ZC3H7B: variants seen among roughly 807,000 people sequenced by gnomAD.
ZC3H7B encodes the protein zinc finger CCCH-type containing 7B, also known as zinc finger CCCH domain-containing protein 7B.
ZC3H7B carries 35 observed loss-of-function variants against 116.0 expected under a neutral mutation model. The observed-to-expected ratio is 0.30, with a 90% confidence interval of 0.23 to 0.40. ZC3H7B has a LOEUF of 0.40. Ranked by LOEUF, ZC3H7B falls within the 10% of genes least tolerant of loss-of-function variation. The pLI is 1.00. For synonymous variants in ZC3H7B, 502 were observed against 545.6 expected (o/e 0.92, Z 1.11); for missense variants, 1,011 against 1,321.5 (o/e 0.77, Z 3.64).
At chr22:41,355,044 G>A (rs1241161542) in intron 17 of ZC3H7B, among the ~76,000 whole-genome samples, 3 of 152,226 alleles carry the variant, frequency 2.0e-5, no homozygotes, top group Non-Finnish European at 4.4e-5. Flanking sequence ...GACAGCTGCA[G>A]CTTAGGAGAG....
At chr22:41,354,667 A>G (rs2036690634) in intron 17 of ZC3H7B, among the ~76,000 whole-genome samples, 1 of 152,168 alleles carries the variant, frequency 6.6e-6, no homozygotes, top group Non-Finnish European at 1.5e-5. Context: ...CAGGCTGGCC[A>G]ATGTAGCCAG....
At position 41,342,804 on chromosome 22, in the gene ZC3H7B, G is replaced by GCACC. The variant is rs375774742; in HGVS notation, c.1297+177_1297+180dup. Among the ~76,000 whole-genome samples the GCACC allele has an allele frequency of 1.7e-3, 254 of 152,308 alleles. 1 individual carries two copies. Among genetic ancestry groups the GCACC allele is most frequent in the African/African-American group, 5.7e-3 (235 of 41,568 alleles). Reference sequence around the variant, plus strand: ...GGAGTTTGGGGTCTGTCCCTGCCAGGCACCACCTTCACAGTCCTTTCTAGA... The same window carrying GCACC: ...GGAGTTTGGGGTCTGTCCCTGCCAGGCACCCACCACCTTCACAGTCCTTTCTAGA... On this transcript the variant is annotated intron_variant, in intron 12 of 22. Transcript: ENST00000352645.
chr22:41,311,848 G>A (rs112609623), intron 1 of ZC3H7B, among the ~76,000 whole-genome samples: 3,806 of 152,056 alleles, frequency 0.025, 143 homozygotes, highest in African/African-American at 0.086. Context: ...AATCTGCTTC[G>A]TTTTTTGTTC....
intron 14 of ZC3H7B, among the ~76,000 whole-genome samples, chr22:41,347,425 C>T (rs2036601071): frequency 1.3e-5 from 2 of 151,912 alleles, no homozygotes; most frequent in South Asian, 4.1e-4. Flanking sequence ...CTTGGAACCT[C>T]TCAGCTGGAC....
Position 41,348,088 on chromosome 22 carries a change from C to T in ZC3H7B, c.1687C>T (p.Arg563Trp), listed in dbSNP as rs1358554014. 2 of 1,613,836 alleles carry T rather than the reference C, an allele frequency of 1.2e-6. No homozygotes were observed. Among genetic ancestry groups the T allele is most frequent in the East Asian group, 2.2e-5 (1 of 44,884 alleles). Residue 563 changes from arginine (R) to tryptophan (W), a missense_variant, in exon 15 of 23, where the codon CGG becomes TGG. Physicochemically the swap from Arg to Trp is moderately radical, Grantham distance 101. This residue lies in a region of ZC3H7B where 406 missense variants were observed against 590.2 expected (regional missense o/e 0.69). Transcript: ENST00000352645. Reference sequence around the variant, plus strand: ...GCAGATCTGCTTTGACAGTAAACCCCGGATCATCAGCAAAGGCACCAAGGA... The same window carrying T: ...GCAGATCTGCTTTGACAGTAAACCCTGGATCATCAGCAAAGGCACCAAGGA... ...LCEICFDSKP[R>W]IISKGTKDSP...
chr22:41,357,356 A>G lies in ZC3H7B; in HGVS notation c.2861A>G (p.Gln954Arg), dbSNP rs756919973. The change falls in exon 23 of 23, where the codon CAA (glutamine) becomes CGA (arginine). Residue 954 changes from glutamine to arginine, a missense_variant. Gln to Arg is a conservative substitution (Grantham distance 43). Around this residue, in one of 5 missense-constraint regions of ZC3H7B, gnomAD observed 406 missense variants for 590.2 expected, o/e 0.69. Transcript: ENST00000352645. This position sits in a 1 kb window ranked among gnomAD's most constrained non-coding sequence, Gnocchi z 5.4. ...DDFGKYNFLL[Q>R]EDGDLAGATP... is the part of the protein sequence containing the mutation. ...TTTGGCAAATACAACTTCCTGCTGCAAGAGGACGGGGACCTTGCCGGTGCC... is the reference window on the plus strand; with the variant it reads ...TTTGGCAAATACAACTTCCTGCTGCGAGAGGACGGGGACCTTGCCGGTGCC... 6 of 1,613,498 alleles carry G rather than the reference A, an allele frequency of 3.7e-6. No individual in the cohort carries two copies. In the South Asian group the frequency reaches 4.4e-5, roughly 12 times the overall value.
At chr22:41,335,140 G>C (rs2036426810) in intron 7 of ZC3H7B, 1 of 152,398 alleles carries the variant, frequency 6.6e-6, no homozygotes, top group East Asian at 1.9e-4. Context: ...CAGATCACAA[G>C]ACCAGTTCCT....
intron 1 of ZC3H7B, among the ~76,000 whole-genome samples, chr22:41,311,068 C>CTTTTT (rs747090159): frequency 7.6e-6 from 1 of 132,142 alleles, no homozygotes; most frequent in Non-Finnish European, 1.6e-5. Context: ...CCCAGCCTCA[C>CTTTTT]TTTTTTTTTT....
intron 12 of ZC3H7B, 39 bp from the exon 13 acceptor site, chr22:41,343,376 T>C (rs766418023): frequency 1.9e-6 from 3 of 1,581,208 alleles, no homozygotes; most frequent in South Asian, 1.1e-5. Flanking sequence ...TCTTCAATTC[T>C]GCTTCCGGAA....
rs1353288464 is a variant in ZC3H7B at position 41,356,635 on chromosome 22, G to C, written c.2518-10G>C. On this transcript the variant is annotated splice_polypyrimidine_tract_variant and intron_variant, in intron 21 of 22. Coordinates refer to ENST00000352645, the MANE Select transcript of ZC3H7B (RefSeq NM_017590.6). ...GGGGGAGCAGGCACCCATGATGGCT[G>C]TGCTCCCAGATGGGCTACCACTGCT... 1 of 1,613,248 alleles carries C rather than the reference G, an allele frequency of 6.2e-7. No individual in the cohort carries two copies. Among genetic ancestry groups the C allele is most frequent in the African/African-American group, 1.3e-5 (1 of 75,064 alleles).
intron 1 of ZC3H7B, 121 bp from the exon 2 acceptor site, chr22:41,320,534 A>T: frequency 8.7e-7 from 1 of 1,154,450 alleles, no homozygotes; most frequent in Non-Finnish European, 1.3e-6. Flanking sequence ...ACGCCTCCCG[A>T]CATGGGGAAG....
intron 10 of ZC3H7B, 127 bp from the exon 11 acceptor site, chr22:41,340,961 C>T (rs2036515522): frequency 2.4e-6 from 2 of 826,128 alleles, no homozygotes; most frequent in African/African-American, 1.7e-5. Context: ...AGGGGTTCAG[C>T]AGGAGTAGGA....
chr22:41,320,681 G>A lies in ZC3H7B; in HGVS notation c.21G>A (p.Lys7=). The A allele has an allele frequency of 6.2e-7, 1 of 1,614,118 alleles. No homozygotes were observed. The highest frequency in any genetic ancestry group is 8.5e-7 in the Non-Finnish European group (1 of 1,179,996). Residue 7 remains lysine (K), a synonymous_variant, in exon 2 of 23, where the codon AAG becomes AAA. Transcript: ENST00000352645. ...GACTGATGGAGAGGCAGAAACGGAA[G>A]GCGGACATCGAGAAAGGGCTGCAGT... The part of the protein sequence containing the change: MERQKR[K]ADIEKGLQFI...
In ZC3H7B at chr22:41,359,982, A is replaced by T. The variant is rs1004578166; in HGVS notation, c.*2553A>T. 2 of 152,644 alleles carry T rather than the reference A, an allele frequency of 1.3e-5. No individual in the cohort carries two copies. The highest frequency in any genetic ancestry group is 4.8e-5 in the African/African-American group (2 of 41,448). 9.5% of individuals were successfully genotyped at this position (152,644 alleles called of 1,614,324 possible). A position where few individuals can be genotyped will look rare whatever the true frequency, so the allele number is the denominator to read the frequency against. Reference sequence around the variant, plus strand: ...TAATGGTCCTTTAAAATGTCTGTGTATTAAAAATTTAAGAATACCACACTT... The same window carrying T: ...TAATGGTCCTTTAAAATGTCTGTGTTTTAAAAATTTAAGAATACCACACTT... On this transcript the variant is annotated 3_prime_UTR_variant, in exon 23 of 23. Coordinates refer to ENST00000352645, the MANE Select transcript of ZC3H7B (RefSeq NM_017590.6).
chr22:41,333,846 CTG>C (rs2036411402), intron 7 of ZC3H7B: 2 of 152,216 alleles, frequency 1.3e-5, no homozygotes, highest in African/African-American at 4.8e-5. Flanking sequence ...TGGTTTCAAA[CTG>C]TGATGAGGGC....
chr22:41,325,972 G>A (rs965290048), intron 4 of ZC3H7B, 54 bp downstream of exon 4: 1 of 1,540,754 alleles, frequency 6.5e-7, no homozygotes, highest in South Asian at 1.2e-5. Flanking sequence ...TCCCCTGGAT[G>A]CCCAGTCGAG....
At position 41,320,732 on chromosome 22, in the gene ZC3H7B, G is replaced by C. The variant is rs916349258; in HGVS notation, c.53+19G>C. 7 of 1,613,696 alleles carry C rather than the reference G, an allele frequency of 4.3e-6. No individual in the cohort carries two copies. In the African/African-American group the frequency reaches 9.3e-5, roughly 22 times the overall value. Reference sequence around the variant, plus strand: ...TCATTCAGTAAGCCTGCATGCGGCAGGGGCTGGACGGCTGGGTGGGCAAGG... The same window carrying C: ...TCATTCAGTAAGCCTGCATGCGGCACGGGCTGGACGGCTGGGTGGGCAAGG... On this transcript the variant is annotated intron_variant, in intron 2 of 22. Coordinates refer to ENST00000352645, the MANE Select transcript of ZC3H7B (RefSeq NM_017590.6).
intron 10 of ZC3H7B, 58 bp downstream of exon 10, chr22:41,340,195 C>T (rs1185235429): frequency 2.0e-6 from 3 of 1,502,662 alleles, no homozygotes; most frequent in South Asian, 2.6e-5. Flanking sequence ...GTGCTGTGGC[C>T]TCTTTGGTGC....
At chr22:41,309,677 T>C (rs1055181597) in intron 1 of ZC3H7B, among the ~76,000 whole-genome samples, 2 of 152,168 alleles carry the variant, frequency 1.3e-5, no homozygotes, top group African/African-American at 4.8e-5. Flanking sequence ...GACTCTGATC[T>C]CTATTTTTAC....
Sources: gnomAD v4.1 joint callset for allele counts (sites outside exome capture counted in the v4.1 genomes callset) on GRCh38, gnomAD v4.1.1 for gene constraint, gnomAD v4.1.1 regional missense constraint, Gnocchi (gnomAD v3.1) non-coding constraint, MANE v1.5 for transcripts, NCBI Gene and HGNC (gene_info 2026-07-23, HGNC 2026-07-21) for gene names.